Variants in JPH1 observed in about 807,000 individuals in gnomAD.
The protein encoded by JPH1 is junctophilin-1.
In JPH1, 12 loss-of-function variants were observed where a neutral mutation model predicts 53.6. The observed-to-expected ratio is 0.22, with a 90% CI of 0.14 to 0.36. The LOEUF (loss-of-function observed/expected upper bound fraction) is 0.36. JPH1 is among the 10% of genes least tolerant of loss of function. The probability of loss-of-function intolerance (pLI) is 1.00; values close to 1 mark genes in which losing one functional copy is unlikely to be tolerated. For missense variants in JPH1, 808 were observed against 905.5 expected (o/e 0.89, Z 1.38); for synonymous variants, 375 against 363.8 (o/e 1.03, Z -0.35).
intron 2 of JPH1, among the ~76,000 whole-genome samples, chr8:74,278,995 A>G (rs1379610795): frequency 1.9e-4 from 29 of 152,102 alleles, no homozygotes; most frequent in South Asian, 2.1e-4. Context: ...GCGCGCACAC[A>G]CACACACACA....
chr8:74,311,289 T>C (rs114286417), intron 2 of JPH1, among the ~76,000 whole-genome samples: 5,550 of 152,300 alleles, frequency 0.036, 124 homozygotes, highest in Middle Eastern at 0.061. Context: ...TGCACTGGGC[T>C]AGGTGGGAAG....
At chr8:74,296,308 C>T (rs1031002000) in intron 2 of JPH1, among the ~76,000 whole-genome samples, 6 of 152,122 alleles carry the variant, frequency 3.9e-5, no homozygotes, top group Admixed American at 1.3e-4. Context: ...TCATAATTAT[C>T]GCTTTCTTTC....
chr8:74,298,800 C>T (rs1807591742), intron 2 of JPH1, among the ~76,000 whole-genome samples: 2 of 152,186 alleles, frequency 1.3e-5, no homozygotes, highest in African/African-American at 4.8e-5. Flanking sequence ...CATACCACTG[C>T]TGTTCTCCAC....
chr8:74,281,195 A>C (rs1413827844), intron 2 of JPH1, among the ~76,000 whole-genome samples: 1 of 152,242 alleles, frequency 6.6e-6, no homozygotes, highest in Non-Finnish European at 1.5e-5. Flanking sequence ...ATGAACTTTC[A>C]CTAAATTGAT....
chr8:74,243,810 C>T (rs1805766825), intron 4 of JPH1, among the ~76,000 whole-genome samples: 1 of 152,206 alleles, frequency 6.6e-6, no homozygotes, highest in South Asian at 2.1e-4. Context: ...TTTTCAATAA[C>T]ACAGAGCTTT....
intron 2 of JPH1, among the ~76,000 whole-genome samples, chr8:74,314,434 C>A (rs965784133): frequency 4.6e-5 from 7 of 151,806 alleles, no homozygotes; most frequent in African/African-American, 1.5e-4. Flanking sequence ...AGGTACACAT[C>A]TATACTAAGT....
At chr8:74,287,669 CTTT>C (rs770530034) in intron 2 of JPH1, among the ~76,000 whole-genome samples, 1 of 136,892 alleles carries the variant, frequency 7.3e-6, no homozygotes, top group Non-Finnish European at 1.6e-5. Flanking sequence ...AGTCTAGTTT[CTTT>C]TTTTTTTTTT....
chr8:74,259,348 T>G (rs750496702), intron 3 of JPH1, 37 bp downstream of exon 3: 1 of 1,469,144 alleles, frequency 6.8e-7, no homozygotes, highest in South Asian at 1.2e-5. Flanking sequence ...CCAAAGCCAG[T>G]GCTCCTGCCT....
At chr8:74,316,238 G>C (rs983500627) in intron 1 of JPH1, among the ~76,000 whole-genome samples, 10 of 152,074 alleles carry the variant, frequency 6.6e-5, no homozygotes, top group African/African-American at 2.4e-4. Flanking sequence ...GAACCTTTTT[G>C]AGCTAAGAGA....
At chr8:74,268,060 T>C (rs1806587153) in intron 2 of JPH1, among the ~76,000 whole-genome samples, 1 of 152,216 alleles carries the variant, frequency 6.6e-6, no homozygotes, top group African/African-American at 2.4e-5. Flanking sequence ...CTAAATCACC[T>C]TAGTCTCAAT....
intron 2 of JPH1, among the ~76,000 whole-genome samples, chr8:74,305,373 C>T (rs1289456611): frequency 6.6e-6 from 1 of 152,224 alleles, no homozygotes; most frequent in African/African-American, 2.4e-5. Flanking sequence ...CAGGTCAAAG[C>T]TGAAACTCAT....
Position 74,321,156 on chromosome 8 carries a change from G to A in JPH1, c.132C>T (p.His44=). ...GQGEYSGSWS[H]GFEVVGGYTW... ...TGTAGCCTCCGACCACCTCGAAGCC[G>A]TGCGACCAGGAGCCCGAGTACTCGC... The change falls in exon 1 of 6, where the codon CAC becomes CAT. Residue 44 remains histidine (H), a synonymous_variant. Coordinates refer to ENST00000342232, the MANE Select transcript of JPH1 (RefSeq NM_020647.4). The surrounding 1 kb of genome is among the most constrained non-coding windows in gnomAD (Gnocchi z 4.3). The A allele has an allele frequency of 1.9e-6, 3 of 1,613,386 alleles. No individual in the cohort carries two copies. The highest frequency in any genetic ancestry group is 1.1e-5 in the South Asian group (1 of 91,006).
At chr8:74,252,020 C>T (rs913377855) in intron 3 of JPH1, among the ~76,000 whole-genome samples, 4 of 152,098 alleles carry the variant, frequency 2.6e-5, no homozygotes, top group Admixed American at 1.3e-4. Context: ...TAATGCCACA[C>T]ATCTACAACT....
intron 2 of JPH1, among the ~76,000 whole-genome samples, chr8:74,272,600 C>CTTTTTT (rs765158506): frequency 8.0e-5 from 9 of 112,680 alleles, no homozygotes; most frequent in African/African-American, 1.3e-4. Context: ...ACCCTTAGTT[C>CTTTTTT]TTTTTTTTTT....
chr8:74,256,293 CA>C (rs1296032397), intron 3 of JPH1, among the ~76,000 whole-genome samples: 1 of 143,232 alleles, frequency 7.0e-6, no homozygotes, highest in South Asian at 2.2e-4. Flanking sequence ...ATCACAAGGA[CA>C]AAAAACCAAA....
At chr8:74,318,371 C>A (rs765720134) in intron 1 of JPH1, among the ~76,000 whole-genome samples, 7 of 152,142 alleles carry the variant, frequency 4.6e-5, no homozygotes, top group Non-Finnish European at 1.0e-4. Flanking sequence ...TGCCAAACTT[C>A]AGTTTATATG....
intron 2 of JPH1, among the ~76,000 whole-genome samples, chr8:74,292,397 G>A (rs1005883237): frequency 6.6e-6 from 1 of 152,154 alleles, no homozygotes; most frequent in Non-Finnish European, 1.5e-5. Flanking sequence ...CAAGGGGCTT[G>A]GTCTAGGTCT....
intron 3 of JPH1, among the ~76,000 whole-genome samples, chr8:74,254,152 C>T (rs1262029408): frequency 6.6e-6 from 1 of 152,112 alleles, no homozygotes; most frequent in East Asian, 1.9e-4. Flanking sequence ...CAATAAAATA[C>T]TGGCAAACCG....
At chr8:74,301,193 A>G (rs1453641419) in intron 2 of JPH1, among the ~76,000 whole-genome samples, 2 of 151,876 alleles carry the variant, frequency 1.3e-5, no homozygotes, top group African/African-American at 4.8e-5. Flanking sequence ...CACCTCCTCC[A>G]CAGACCAGGC....
Sources: allele counts gnomAD v4.1 joint callset (sites outside exome capture counted in the v4.1 genomes callset), GRCh38; gene constraint gnomAD v4.1.1; non-coding constraint Gnocchi (gnomAD v3.1); transcripts MANE v1.5; gene names NCBI Gene and HGNC (gene_info 2026-07-23, HGNC 2026-07-21).